The following SORCS3 variants were observed in gnomAD, a reference collection of about 807,000 sequenced individuals.
The protein encoded by SORCS3 is VPS10 domain-containing receptor SorCS3.
In SORCS3, 57 loss-of-function variants were observed where a neutral mutation model predicts 146.3. The observed-to-expected ratio is 0.39, with a 90% confidence interval of 0.31 to 0.49. The LOEUF is 0.49. SORCS3 is among the 20% of genes least tolerant of loss of function. The pLI, the probability that SORCS3 is intolerant of heterozygous loss-of-function variation, is 0.92. For missense variants in SORCS3, 1,341 were observed against 1,575.5 expected, an observed-to-expected ratio of 0.85 and a Z score of 2.52; for synonymous variants, 653 against 618.5, an observed-to-expected ratio of 1.06 and a Z score of -0.83.
At chr10:105,250,398 T>G (rs947372957) in intron 22 of SORCS3, among the ~76,000 whole-genome samples, 5 of 152,180 alleles carry the variant, frequency 3.3e-5, no homozygotes, top group Admixed American at 6.5e-5. Flanking sequence ...AGGAAATAAC[T>G]TGTAATTGCA....
chr10:105,257,683 A>G (rs71473553), intron 25 of SORCS3, among the ~76,000 whole-genome samples: 1 of 152,208 alleles, frequency 6.6e-6, no homozygotes, highest in Non-Finnish European at 1.5e-5. Flanking sequence ...TTGCCTCTCT[A>G]AGTCTTAATT....
intron 16 of SORCS3, among the ~76,000 whole-genome samples, chr10:105,209,204 C>T (rs1181350539): frequency 1.3e-5 from 2 of 151,958 alleles, no homozygotes; most frequent in African/African-American, 2.4e-5. Context: ...TGCAGTGGTG[C>T]GGTCTTGGTT....
intron 3 of SORCS3, among the ~76,000 whole-genome samples, chr10:104,940,271 C>G (rs1479136105): frequency 9.7e-6 from 1 of 102,780 alleles, no homozygotes; most frequent in Non-Finnish European, 2.1e-5. Flanking sequence ...ACTTTAAGTT[C>G]TAGGGTACAT....
chr10:104,920,204 G>A (rs1236288339), intron 3 of SORCS3, among the ~76,000 whole-genome samples: 3 of 152,314 alleles, frequency 2.0e-5, no homozygotes, highest in East Asian at 3.9e-4. Context: ...CACCTAATGA[G>A]TTATTTATTT....
intron 2 of SORCS3, among the ~76,000 whole-genome samples, chr10:104,859,147 GGA>G (rs976893065): frequency 9.2e-5 from 14 of 152,060 alleles, no homozygotes; most frequent in Admixed American, 8.5e-4. Context: ...AATAAGACTT[GGA>G]TAATGAAATC....
intron 7 of SORCS3, among the ~76,000 whole-genome samples, chr10:105,127,144 C>T (rs2133769518): frequency 6.6e-6 from 1 of 152,050 alleles, no homozygotes; most frequent in South Asian, 2.1e-4. Context: ...TTGGCCAGAC[C>T]CTTAATTATT....
Position 105,125,755 on chromosome 10 carries a change from C to T in SORCS3, c.1213-13642C>T, listed in dbSNP as rs139224294. Among the ~76,000 whole-genome samples the T allele has an allele frequency of 2.6e-5, 4 of 151,038 alleles. No individual in the cohort carries two copies. In the East Asian group the frequency reaches 5.9e-4, roughly 22 times the overall value. ...GAAGATACTGCTTGAAGAAGACCTT[C>T]GGCTTAGGAAACCAGGACCAAGGAA... On this transcript the variant is annotated intron_variant, in intron 7 of 26. Coordinates refer to ENST00000369701, the MANE Select transcript of SORCS3 (RefSeq NM_014978.3).
At chr10:104,969,214 C>T (rs1375067607) in intron 3 of SORCS3, among the ~76,000 whole-genome samples, 1 of 152,026 alleles carries the variant, frequency 6.6e-6, no homozygotes, top group African/African-American at 2.4e-5. Context: ...GATTCCTACT[C>T]TCTTAATGCT....
intron 1 of SORCS3, among the ~76,000 whole-genome samples, chr10:104,709,708 A>C (rs2016389796): frequency 6.6e-6 from 1 of 152,150 alleles, no homozygotes; most frequent in Admixed American, 6.6e-5. Context: ...GGCTTAACTA[A>C]TTGCAAAGCC....
At chr10:104,753,919 C>T (rs1404711574) in intron 1 of SORCS3, among the ~76,000 whole-genome samples, 2 of 152,132 alleles carry the variant, frequency 1.3e-5, no homozygotes, top group Non-Finnish European at 1.5e-5. Flanking sequence ...TATTTATTTT[C>T]CTAGTTGAGA....
intron 5 of SORCS3, among the ~76,000 whole-genome samples, chr10:105,050,140 G>A (rs2133709923): frequency 6.6e-6 from 1 of 151,888 alleles, no homozygotes; most frequent in Admixed American, 6.6e-5. Flanking sequence ...GTAACATATG[G>A]CAGTATCAGT....
At chr10:105,262,029 A>G (rs2056963888) in intron 25 of SORCS3, among the ~76,000 whole-genome samples, 1 of 152,162 alleles carries the variant, frequency 6.6e-6, no homozygotes, top group Non-Finnish European at 1.5e-5. Context: ...CCAGGTAAAT[A>G]TTTATAGGGT....
intron 3 of SORCS3, among the ~76,000 whole-genome samples, chr10:104,958,529 A>G (rs891171004): frequency 3.3e-5 from 5 of 152,176 alleles, no homozygotes; most frequent in Non-Finnish European, 7.3e-5. Flanking sequence ...AGAGAATGGG[A>G]AAGAGGGAGG....
chr10:105,188,383 T>C (rs990646591), intron 14 of SORCS3, among the ~76,000 whole-genome samples: 18 of 152,162 alleles, frequency 1.2e-4, no homozygotes, highest in Non-Finnish European at 2.4e-4. Context: ...GGGGCTGCAT[T>C]TGAGTTTATC....
chr10:105,082,844 C>T (rs111711230), intron 5 of SORCS3, among the ~76,000 whole-genome samples: 1 of 152,248 alleles, frequency 6.6e-6, no homozygotes, highest in African/African-American at 2.4e-5. Context: ...GATTCTCCTG[C>T]CTCAGCCTCC....
chr10:105,128,272 T>C (rs747719178), intron 7 of SORCS3, among the ~76,000 whole-genome samples: 1 of 152,086 alleles, frequency 6.6e-6, no homozygotes, highest in Non-Finnish European at 1.5e-5. Context: ...TCACAAATAT[T>C]CATGGCTCTT....
intron 1 of SORCS3, among the ~76,000 whole-genome samples, chr10:104,719,269 A>T (rs1299723124): frequency 6.6e-6 from 1 of 152,126 alleles, no homozygotes; most frequent in Non-Finnish European, 1.5e-5. Context: ...TGATTATTTT[A>T]TTCCTTCCTC....
chr10:105,086,804 A>G (rs2055663834), intron 5 of SORCS3, among the ~76,000 whole-genome samples: 1 of 152,272 alleles, frequency 6.6e-6, no homozygotes, highest in East Asian at 1.9e-4. Flanking sequence ...TAGATTCTTG[A>G]TATTAGACCT....
At chr10:104,864,488 G>A (rs1382892769) in intron 2 of SORCS3, among the ~76,000 whole-genome samples, 1 of 152,146 alleles carries the variant, frequency 6.6e-6, no homozygotes, top group African/African-American at 2.4e-5. Flanking sequence ...GCCATTGCCA[G>A]TGTATACCTG....
Sources: gnomAD v4.1 joint callset for allele counts (sites outside exome capture counted in the v4.1 genomes callset) on GRCh38, gnomAD v4.1.1 for gene constraint, MANE v1.5 for transcripts, NCBI Gene and HGNC (gene_info 2026-07-23, HGNC 2026-07-21) for gene names.